The following STYK1 variants were observed in gnomAD, a reference collection of about 807,000 sequenced individuals.
STYK1 encodes STY kinase 1, also known as tyrosine-protein kinase STYK1.
STYK1 carries 46 observed loss-of-function variants against 48.1 expected under a neutral mutation model. The observed-to-expected ratio is 0.96, with a 90% CI of 0.75 to 1.22. The LOEUF (loss-of-function observed/expected upper bound fraction) is 1.22, where lower values mean the gene tolerates loss of function less well. Among genes scored for constraint, STYK1 ranks in the 50% most tolerant of loss-of-function variants. The pLI, the probability that STYK1 is intolerant of heterozygous loss-of-function variation, is 0.00. For missense variants in STYK1, 527 were observed against 521.1 expected (o/e 1.01, Z -0.11); for synonymous variants, 188 against 189.0 (o/e 0.99, Z 0.04).
chr12:10,649,760 A>G (rs1353627957), intron 1 of STYK1, among the ~76,000 whole-genome samples: 1 of 152,214 alleles, frequency 6.6e-6, no homozygotes, highest in Non-Finnish European at 1.5e-5. Flanking sequence ...GAGGGAAAAC[A>G]ATCTTCCTAA....
At chr12:10,622,924 ATGTT>A (rs1199610169) in intron 8 of STYK1, among the ~76,000 whole-genome samples, 1 of 152,218 alleles carries the variant, frequency 6.6e-6, no homozygotes, top group Admixed American at 6.5e-5. Flanking sequence ...AAATTAATAG[ATGTT>A]TGTTATTATT....
intron 1 of STYK1, among the ~76,000 whole-genome samples, chr12:10,657,207 T>C (rs1008009081): frequency 1.3e-5 from 2 of 152,222 alleles, no homozygotes; most frequent in African/African-American, 4.8e-5. Context: ...CAGCTGTGCC[T>C]GCCTATTAGG....
At chr12:10,633,941 A>T (rs1465593206) in intron 4 of STYK1, 49 bp downstream of exon 4, 1 of 1,592,674 alleles carries the variant, frequency 6.3e-7, no homozygotes, top group African/African-American at 1.4e-5. Context: ...CTTTTTCCTA[A>T]TCTCCATCTT....
intron 1 of STYK1, chr12:10,640,538 A>G (rs1191258974): frequency 6.6e-6 from 1 of 152,156 alleles, no homozygotes; most frequent in African/African-American, 2.4e-5. Flanking sequence ...CCCATTTCCT[A>G]GAGACCCAGG....
At chr12:10,673,338 T>C (rs190747480) in intron 1 of STYK1, among the ~76,000 whole-genome samples, 26 of 151,596 alleles carry the variant, frequency 1.7e-4, no homozygotes, top group South Asian at 6.3e-4. Context: ...GATCGCGCCA[T>C]TGCACTCCAG....
Position 10,645,099 on chromosome 12 carries a change from AAG to A in STYK1, c.-194-7905_-194-7904del, listed in dbSNP as rs1179328354. ...AAACTAGAGAAGTAAAAGGGGAACCAAGAGTTTGTGCTGTTGTGGAAGCAAAG... is the reference window on the plus strand; with the variant it reads ...AAACTAGAGAAGTAAAAGGGGAACCAAGTTTGTGCTGTTGTGGAAGCAAAG... On this transcript the variant is annotated intron_variant, in intron 1 of 10. Coordinates refer to ENST00000075503, the MANE Select transcript of STYK1 (RefSeq NM_018423.3). 5.9e-5 allele frequency among the ~76,000 whole-genome samples: 9 copies of A among 152,286 alleles called. No homozygotes were observed. In the South Asian group the frequency reaches 1.9e-3, roughly 32 times the overall value.
intron 1 of STYK1, among the ~76,000 whole-genome samples, chr12:10,669,160 T>C (rs1321197961): frequency 6.6e-6 from 1 of 152,170 alleles, no homozygotes; most frequent in Non-Finnish European, 1.5e-5. Flanking sequence ...AATTCATCTA[T>C]GAAAATAGCA....
In STYK1 at chr12:10,672,222, T is replaced by C. The variant is rs1490383384; in HGVS notation, c.-195+1744A>G. 6.6e-6 allele frequency among the ~76,000 whole-genome samples: 1 copy of C among 152,184 alleles called. No individual in the cohort carries two copies. Among genetic ancestry groups the C allele is most frequent in the East Asian group, 1.9e-4 (1 of 5,192 alleles). ...ACTGTGAGAAAATCATTTCGTTGTT[T>C]AAGCCAGAGGTCACCAACACCCGGG... On this transcript the variant is annotated intron_variant, in intron 1 of 10. Coordinates refer to ENST00000075503, the MANE Select transcript of STYK1 (RefSeq NM_018423.3). The surrounding 1 kb of genome is among the most constrained non-coding windows in gnomAD (Gnocchi z 4.0).
At chr12:10,626,603 A>G (rs1670567439) in intron 7 of STYK1, among the ~76,000 whole-genome samples, 1 of 152,230 alleles carries the variant, frequency 6.6e-6, no homozygotes, top group African/African-American at 2.4e-5. Context: ...AATTTTAAAC[A>G]CAACCATTTA....
intron 10 of STYK1, among the ~76,000 whole-genome samples, chr12:10,621,512 A>G (rs983483977): frequency 1.3e-5 from 2 of 152,200 alleles, no homozygotes; most frequent in African/African-American, 4.8e-5. Flanking sequence ...GAAGACTGAC[A>G]TTTAGACTAA....
At position 10,630,636 on chromosome 12, in the gene STYK1, G is replaced by C. The variant is rs1247187348; in HGVS notation, c.451+409C>G. 2.0e-5 allele frequency among the ~76,000 whole-genome samples: 3 copies of C among 150,348 alleles called. No homozygotes were observed. The East Asian group carries it at 5.8e-4, about 29-fold the overall frequency. ...TGACATACCGCATTAACAGAATAAA[G>C]GATAAACATCATATGATCATTTCAA... On this transcript the variant is annotated intron_variant, in intron 5 of 10. Transcript: ENST00000075503.
At chr12:10,643,820 A>C (rs1007191735) in intron 1 of STYK1, among the ~76,000 whole-genome samples, 14 of 152,212 alleles carry the variant, frequency 9.2e-5, no homozygotes, top group Admixed American at 7.8e-4. Context: ...GGACAGTAAC[A>C]AGAGAGGAGA....
chr12:10,620,074 T>A lies in STYK1; in HGVS notation c.*70A>T. ...CCCTTTGTGTCCCTGGGAAAGACCA[T>A]TCTCTGTTCTTAGAGGAATTGATTC... On this transcript the variant is annotated 3_prime_UTR_variant, in exon 11 of 11. Coordinates refer to ENST00000075503, the MANE Select transcript of STYK1 (RefSeq NM_018423.3). The A allele has an allele frequency of 1.3e-6, 2 of 1,540,134 alleles. No individual in the cohort carries two copies. Among genetic ancestry groups the A allele is most frequent in the Non-Finnish European group, 1.8e-6 (2 of 1,115,102 alleles).
chr12:10,627,722 A>C lies in STYK1; in HGVS notation c.636T>G (p.Asp212Glu). The change falls in exon 7 of 11, where the codon GAT (aspartate) becomes GAG (glutamate). Residue 212 changes from aspartate to glutamate, a missense_variant and splice_region_variant. Transcript: ENST00000075503. ...LLSFLWTCRR[D>E]VMTMDGLLYD... ...AGAGAAGACCATCCATAGTCATCAC[A>C]TCCTAAAGAGACAGGGAAAAAAAGC... 6.2e-7 allele frequency: 1 copy of C among 1,605,228 alleles called. No homozygotes were observed. The highest frequency in any genetic ancestry group is 1.1e-5 in the South Asian group (1 of 88,540).
intron 1 of STYK1, among the ~76,000 whole-genome samples, chr12:10,662,505 C>T (rs568746444): frequency 1.0e-3 from 158 of 152,358 alleles, no homozygotes; most frequent in African/African-American, 3.6e-3. Flanking sequence ...AGTGTCTCCA[C>T]ATCCTTGACA....
chr12:10,645,902 G>A (rs1489691575), intron 1 of STYK1, among the ~76,000 whole-genome samples: 1 of 152,110 alleles, frequency 6.6e-6, no homozygotes, highest in Non-Finnish European at 1.5e-5. Flanking sequence ...CTTTATAAGG[G>A]GGAGTTTCCT....
intron 1 of STYK1, among the ~76,000 whole-genome samples, chr12:10,648,746 TG>T (rs1377742678): frequency 6.6e-6 from 1 of 152,024 alleles, no homozygotes; most frequent in African/African-American, 2.4e-5. Flanking sequence ...TTAATTTTTT[TG>T]TAAAGATGGG....
chr12:10,637,542 T>A (rs1039176725), intron 1 of STYK1, among the ~76,000 whole-genome samples: 1 of 151,936 alleles, frequency 6.6e-6, no homozygotes, highest in African/African-American at 2.4e-5. Flanking sequence ...GGGGTTTCAC[T>A]GTGTTAGCCA....
intron 1 of STYK1, among the ~76,000 whole-genome samples, chr12:10,641,287 A>G (rs555069393): frequency 6.6e-6 from 1 of 152,308 alleles, no homozygotes; most frequent in South Asian, 2.1e-4. Flanking sequence ...GGCTGCTTTC[A>G]AATACCTTGT....
Sources: allele counts gnomAD v4.1 joint callset (sites outside exome capture counted in the v4.1 genomes callset), GRCh38; gene constraint gnomAD v4.1.1; non-coding constraint Gnocchi (gnomAD v3.1); transcripts MANE v1.5; gene names NCBI Gene and HGNC (gene_info 2026-07-23, HGNC 2026-07-21).